SPON1: variants seen among roughly 807,000 people sequenced by gnomAD.
SPON1 encodes the protein spondin 1.
A neutral mutation model predicts 111.7 loss-of-function variants in SPON1; 52 were observed. The observed-to-expected ratio is 0.47, with a 90% CI of 0.37 to 0.59. SPON1 has a LOEUF of 0.59. SPON1 is among the 20% of genes least tolerant of loss of function. The pLI is 0.00. For missense variants in SPON1, 957 were observed against 1,068.5 expected, an observed-to-expected ratio of 0.90 and a Z score of 1.46; for synonymous variants, 410 against 395.8, an observed-to-expected ratio of 1.04 and a Z score of -0.43.
At chr11:14,090,824 GCCCCCCCCCCCCCCC>G (rs1176498162) in intron 5 of SPON1, among the ~76,000 whole-genome samples, 2,181 of 45,684 alleles carry the variant, frequency 0.048, 429 homozygotes, top group African/African-American at 0.2. Flanking sequence ...CTCTTATCTG[GCCCCCCCCCCCCCCC>G]CCCCCGCCCA....
chr11:13,969,962 C>T (rs1455913962), intron 1 of SPON1, among the ~76,000 whole-genome samples: 1 of 152,242 alleles, frequency 6.6e-6, no homozygotes, highest in African/African-American at 2.4e-5. Context: ...CTGAGAGGCT[C>T]ATCTCATGCT....
At chr11:14,007,897 T>A (rs1848374839) in intron 2 of SPON1, among the ~76,000 whole-genome samples, 1 of 152,202 alleles carries the variant, frequency 6.6e-6, no homozygotes, top group South Asian at 2.1e-4. Flanking sequence ...TCCTTGTCTC[T>A]GTCTCAAAGC....
At chr11:14,220,045 C>T (rs574075754) in intron 6 of SPON1, among the ~76,000 whole-genome samples, 1 of 149,982 alleles carries the variant, frequency 6.7e-6, no homozygotes, top group South Asian at 2.1e-4. Flanking sequence ...CGAGATTGTA[C>T]CACTGCACTC....
intron 5 of SPON1, among the ~76,000 whole-genome samples, chr11:14,098,044 G>T (rs1417203706): frequency 6.6e-6 from 1 of 152,158 alleles, no homozygotes; most frequent in East Asian, 1.9e-4. Flanking sequence ...CGCCCAGGCT[G>T]GAGTGCAGTG....
chr11:14,083,905 T>C (rs1848983704), intron 5 of SPON1, among the ~76,000 whole-genome samples: 1 of 152,216 alleles, frequency 6.6e-6, no homozygotes, highest in South Asian at 2.1e-4. Context: ...CTGTCATTTG[T>C]CCTTTCAAGT....
intron 5 of SPON1, among the ~76,000 whole-genome samples, chr11:14,120,522 G>C (rs1849297234): frequency 1.3e-5 from 2 of 152,026 alleles, no homozygotes; most frequent in African/African-American, 4.8e-5. Flanking sequence ...GGAAACTTCT[G>C]TCTGTGTGCC....
intron 2 of SPON1, among the ~76,000 whole-genome samples, chr11:13,983,444 C>T (rs1362152846): frequency 6.6e-6 from 1 of 152,054 alleles, no homozygotes; most frequent in Admixed American, 6.5e-5. Context: ...TGAACAGGGC[C>T]GAGTTTAAGA....
chr11:13,966,002 C>T (rs1244027521), intron 1 of SPON1, among the ~76,000 whole-genome samples: 2 of 152,134 alleles, frequency 1.3e-5, no homozygotes, highest in Non-Finnish European at 2.9e-5. Context: ...GTTCTTTGTG[C>T]CTGCTGTCTA....
At chr11:14,119,429 C>T (rs936931070) in intron 5 of SPON1, among the ~76,000 whole-genome samples, 1 of 152,158 alleles carries the variant, frequency 6.6e-6, no homozygotes, top group South Asian at 2.1e-4. Context: ...CCCCTATTGA[C>T]CAAGGGTTGT....
At chr11:13,986,113 G>A (rs532093420) in intron 2 of SPON1, among the ~76,000 whole-genome samples, 1 of 152,346 alleles carries the variant, frequency 6.6e-6, no homozygotes, top group Non-Finnish European at 1.5e-5. Flanking sequence ...TGGGGATAGG[G>A]TGGTGAGAAA....
chr11:14,082,424 A>AT (rs775704981), intron 5 of SPON1, among the ~76,000 whole-genome samples: 6 of 152,186 alleles, frequency 3.9e-5, no homozygotes, highest in Non-Finnish European at 8.8e-5. Context: ...TACTGTAGTT[A>AT]TTTTTTTAAA....
intron 5 of SPON1, among the ~76,000 whole-genome samples, chr11:14,092,340 C>T (rs1554923497): frequency 1.3e-5 from 2 of 152,060 alleles, no homozygotes; most frequent in African/African-American, 4.8e-5. Flanking sequence ...CCTTCTAGAC[C>T]CCCTGAAAGG....
At chr11:14,028,920 C>T (rs1427798777) in intron 2 of SPON1, among the ~76,000 whole-genome samples, 1 of 152,158 alleles carries the variant, frequency 6.6e-6, no homozygotes, top group Non-Finnish European at 1.5e-5. Flanking sequence ...GCACATTTCA[C>T]CTGGTTTGAA....
At chr11:14,158,055 T>A (rs1847869617) in intron 6 of SPON1, among the ~76,000 whole-genome samples, 1 of 152,132 alleles carries the variant, frequency 6.6e-6, no homozygotes, top group South Asian at 2.1e-4. Context: ...ATGCCAGACA[T>A]GTGTATGATA....
chr11:14,119,232 T>A (rs115454394), intron 5 of SPON1, among the ~76,000 whole-genome samples: 193 of 152,216 alleles, frequency 1.3e-3, no homozygotes, highest in African/African-American at 4.5e-3. Flanking sequence ...AGGCAAGGAC[T>A]GCAGGTACTT....
chr11:14,212,116 T>C (rs1380800230), intron 6 of SPON1, among the ~76,000 whole-genome samples: 3 of 143,286 alleles, frequency 2.1e-5, no homozygotes, highest in Non-Finnish European at 3.1e-5. Context: ...TAGTCTTTTA[T>C]TGATTTTTTT....
Position 14,218,079 on chromosome 11 carries a change from G to A in SPON1, c.826-25253G>A, listed in dbSNP as rs573014978. On this transcript the variant is annotated intron_variant, in intron 6 of 15. Transcript: ENST00000576479. ...GTTCTGAGTGTCCAAGAAATTGAAT[G>A]TATGATTATCATATTCATATTACAC... Among the ~76,000 whole-genome samples, 22 of 152,230 alleles carry A rather than the reference G, an allele frequency of 1.4e-4. 1 individual carries two copies. Among genetic ancestry groups the A allele is most frequent in the Admixed American group, 1.4e-3 (21 of 15,298 alleles).
chr11:14,100,155 T>C (rs1208080951), intron 5 of SPON1, among the ~76,000 whole-genome samples: 1 of 152,062 alleles, frequency 6.6e-6, no homozygotes, highest in Non-Finnish European at 1.5e-5. Flanking sequence ...TTTTTTTTTT[T>C]TTTAATAACC....
At chr11:14,245,274 C>A (rs1002045554) in intron 7 of SPON1, among the ~76,000 whole-genome samples, 6 of 152,126 alleles carry the variant, frequency 3.9e-5, no homozygotes, top group Admixed American at 1.3e-4. Context: ...GATACCTGCT[C>A]ATTTAACCAT....
Sources: allele counts gnomAD v4.1 joint callset (sites outside exome capture counted in the v4.1 genomes callset), GRCh38; gene constraint gnomAD v4.1.1; transcripts MANE v1.5; gene names NCBI Gene and HGNC (gene_info 2026-07-23, HGNC 2026-07-21).